KITLG: variants seen among roughly 807,000 people sequenced by gnomAD.
The protein encoded by KITLG is KIT ligand.
Under a neutral mutation model 34.1 loss-of-function variants are expected in KITLG, and 13 were observed. The observed-to-expected ratio is 0.38, with a 90% CI of 0.25 to 0.61. The LOEUF (loss-of-function observed/expected upper bound fraction) is 0.61. Among genes scored for constraint, KITLG ranks in the 20% least tolerant of loss-of-function variants. The pLI is 0.60. For synonymous variants in KITLG, 110 were observed against 104.0 expected, an observed-to-expected ratio of 1.06 and a Z score of -0.35; for missense variants, 292 against 318.9, an observed-to-expected ratio of 0.92 and a Z score of 0.64.
chr12:88,503,846 A>G (rs1337079351), intron 9 of KITLG, among the ~76,000 whole-genome samples: 1 of 152,082 alleles, frequency 6.6e-6, no homozygotes, highest in Non-Finnish European at 1.5e-5. Flanking sequence ...GTGGCAATTG[A>G]CCTGGAAAAT....
chr12:88,561,952 TA>T (rs2120956706), intron 1 of KITLG, among the ~76,000 whole-genome samples: 1 of 152,122 alleles, frequency 6.6e-6, no homozygotes, highest in African/African-American at 2.4e-5. Context: ...GAGCACCTCT[TA>T]TCACATCACA....
intron 1 of KITLG, among the ~76,000 whole-genome samples, chr12:88,555,492 C>A (rs1418727849): frequency 6.6e-6 from 1 of 152,088 alleles, no homozygotes; most frequent in Non-Finnish European, 1.5e-5. Flanking sequence ...AATACTAGGC[C>A]AGTTAGATAA....
chr12:88,536,681 G>A (rs1019562587), intron 2 of KITLG, among the ~76,000 whole-genome samples: 6 of 152,150 alleles, frequency 3.9e-5, no homozygotes, highest in Non-Finnish European at 7.3e-5. Flanking sequence ...CATGTCCTTT[G>A]CAGAGACATG....
At chr12:88,570,416 G>T (rs1457155082) in intron 1 of KITLG, among the ~76,000 whole-genome samples, 1 of 151,922 alleles carries the variant, frequency 6.6e-6, no homozygotes, top group Non-Finnish European at 1.5e-5. Context: ...AGGAGTGTGG[G>T]GTCAGAAGCA....
At chr12:88,566,447 G>C (rs1402084349) in intron 1 of KITLG, among the ~76,000 whole-genome samples, 1 of 152,188 alleles carries the variant, frequency 6.6e-6, no homozygotes, top group Non-Finnish European at 1.5e-5. Flanking sequence ...TGATATGATT[G>C]TTTTTTTAAA....
chr12:88,500,385 A>G (rs1207799985), intron 9 of KITLG, among the ~76,000 whole-genome samples: 2 of 152,222 alleles, frequency 1.3e-5, no homozygotes, highest in Admixed American at 1.3e-4. Flanking sequence ...CTGGACTTTG[A>G]TCAAAGTAAC....
chr12:88,536,419 T>C (rs1198033377), intron 2 of KITLG, among the ~76,000 whole-genome samples: 1 of 152,074 alleles, frequency 6.6e-6, no homozygotes, highest in Non-Finnish European at 1.5e-5. Context: ...TTGTGGAAGA[T>C]AGTGTAGCGA....
At chr12:88,578,882 T>C (rs1871917122) in intron 1 of KITLG, among the ~76,000 whole-genome samples, 1 of 152,258 alleles carries the variant, frequency 6.6e-6, no homozygotes, top group Non-Finnish European at 1.5e-5. Context: ...AATAAAACTT[T>C]TCTTTTGTTG....
chr12:88,568,588 C>T lies in KITLG; in HGVS notation c.15+11676G>A, dbSNP rs77081360. On this transcript the variant is annotated intron_variant, in intron 1 of 9. Transcript: ENST00000644744. ...TCATGTTGTAATCATAATAGTGGAG[C>T]TAAGATTTAACTCTCATTCTGTCTA... Among the ~76,000 whole-genome samples, 1,395 of 152,182 alleles carry T rather than the reference C, an allele frequency of 9.2e-3. 7 individuals carry two copies. Among genetic ancestry groups the T allele is most frequent in the Middle Eastern group, 0.017 (5 of 294 alleles).
chr12:88,540,930 A>C (rs1158840203), intron 2 of KITLG, among the ~76,000 whole-genome samples: 1 of 152,146 alleles, frequency 6.6e-6, no homozygotes, highest in Non-Finnish European at 1.5e-5. Context: ...TCAAACTATT[A>C]TTTTTCGAAG....
At chr12:88,579,896 T>C (rs1487462986) in intron 1 of KITLG, among the ~76,000 whole-genome samples, 1 of 152,216 alleles carries the variant, frequency 6.6e-6, no homozygotes, top group Non-Finnish European at 1.5e-5. Flanking sequence ...TCTCCTGGAA[T>C]CCACGGGAAA....
At chr12:88,506,964 GA>G (rs1225221979) in intron 7 of KITLG, 63 bp downstream of exon 7, 3 of 930,240 alleles carry the variant, frequency 3.2e-6, no homozygotes, top group Non-Finnish European at 3.6e-6. Flanking sequence ...ATTTCTTGAG[GA>G]AAAAAAGATG....
At chr12:88,499,936 A>G (rs576428138) in intron 9 of KITLG, among the ~76,000 whole-genome samples, 3 of 152,102 alleles carry the variant, frequency 2.0e-5, no homozygotes, top group Non-Finnish European at 4.4e-5. Context: ...CCATACCAAC[A>G]CCCGATTAGT....
At chr12:88,551,621 C>T (rs1870917470) in intron 1 of KITLG, among the ~76,000 whole-genome samples, 1 of 152,128 alleles carries the variant, frequency 6.6e-6, no homozygotes, top group Non-Finnish European at 1.5e-5. Context: ...TTTCCTGTTT[C>T]CCCCAGATTG....
intron 9 of KITLG, among the ~76,000 whole-genome samples, chr12:88,499,990 A>G: frequency 6.6e-6 from 1 of 151,996 alleles, no homozygotes; most frequent in Admixed American, 6.6e-5. Context: ...TCTTTCCTAC[A>G]CCATTTTCTC....
At chr12:88,539,112 C>T (rs1483310451) in intron 2 of KITLG, among the ~76,000 whole-genome samples, 1 of 152,096 alleles carries the variant, frequency 6.6e-6, no homozygotes, top group African/African-American at 2.4e-5. Flanking sequence ...AACTCAAAGT[C>T]AGAACACTTA....
chr12:88,506,035 T>C (rs1383705062), intron 8 of KITLG, among the ~76,000 whole-genome samples: 1 of 152,208 alleles, frequency 6.6e-6, no homozygotes, highest in Non-Finnish European at 1.5e-5. Flanking sequence ...TCTGAGAAGA[T>C]TCTGCTGCCT....
At position 88,568,347 on chromosome 12, in the gene KITLG, A is replaced by T. The variant is rs1488014084; in HGVS notation, c.15+11917T>A. Among the ~76,000 whole-genome samples, 6 of 151,580 alleles carry T rather than the reference A, an allele frequency of 4.0e-5. No individual in the cohort carries two copies. The South Asian group carries it at 8.4e-4, about 21-fold the overall frequency. On this transcript the variant is annotated intron_variant, in intron 1 of 9. Transcript: ENST00000644744. ...TTTTATTTATAATATTTTTGTAGAGACAAGGTCTCACTATGTTGCCCAGGC... is the reference window on the plus strand; with the variant it reads ...TTTTATTTATAATATTTTTGTAGAGTCAAGGTCTCACTATGTTGCCCAGGC...
intron 1 of KITLG, among the ~76,000 whole-genome samples, chr12:88,579,303 G>T (rs1871932965): frequency 6.6e-6 from 1 of 152,060 alleles, no homozygotes; most frequent in Non-Finnish European, 1.5e-5. Context: ...GAACCTCTGG[G>T]GGGTGAAAGG....
Sources: allele counts gnomAD v4.1 joint callset (sites outside exome capture counted in the v4.1 genomes callset), GRCh38; gene constraint gnomAD v4.1.1; transcripts MANE v1.5; gene names NCBI Gene and HGNC (gene_info 2026-07-23, HGNC 2026-07-21).